The following WDR74 variants were observed in gnomAD, a reference collection of about 807,000 sequenced individuals.
WDR74 encodes the protein WD repeat domain 74.
Under a neutral mutation model 45.6 loss-of-function variants are expected in WDR74, and 31 were observed. The observed-to-expected ratio is 0.68, with a 90% confidence interval of 0.51 to 0.92. The LOEUF (loss-of-function observed/expected upper bound fraction) is 0.92. Ranked by LOEUF, WDR74 falls within the 40% of genes least tolerant of loss-of-function variation. The probability of loss-of-function intolerance (pLI) is 0.00; values close to 1 mark genes in which losing one functional copy is unlikely to be tolerated. For missense variants in WDR74, 455 were observed against 497.2 expected, an observed-to-expected ratio of 0.92 and a Z score of 0.81; for synonymous variants, 191 against 192.4, an observed-to-expected ratio of 0.99 and a Z score of 0.06.
Position 62,834,279 on chromosome 11 carries a change from G to A in WDR74, c.772C>T (p.Gln258Ter), listed in dbSNP as rs199607772. ...HGQLAEIDLR[Q>*]GRLLGCLKGL... The stretch of plus-strand genomic sequence containing the variant: ...CAATGTACCCTAGTCCACTCACCTT[G>A]CCGAAGGTCAATTTCTGCCAGCTGC... The change falls in exon 8 of 11, where the codon CAA becomes TAA. Residue 258 changes from glutamine to a stop codon, truncating the protein, a stop_gained. Transcript: ENST00000278856. LOFTEE classifies it high-confidence loss of function. The A allele has an allele frequency of 3.0e-4, 485 of 1,613,772 alleles. No homozygotes were observed. Among genetic ancestry groups the A allele is most frequent in the Non-Finnish European group, 3.6e-4 (428 of 1,179,892 alleles).
chr11:62,841,047 G>A (rs906891765), upstream of WDR74, among the ~76,000 whole-genome samples: 35 of 152,194 alleles, frequency 2.3e-4, no homozygotes, highest in African/African-American at 8.4e-4. Context: ...GGCCGGGCGC[G>A]GTGGCTCACG....
chr11:62,838,023 A>G (rs1303163763), intron 3 of WDR74, among the ~76,000 whole-genome samples: 2 of 151,732 alleles, frequency 1.3e-5, no homozygotes, highest in Non-Finnish European at 2.9e-5. Flanking sequence ...GGATCGTTTG[A>G]CCCCGGGAGG....
rs375123596 is a variant in WDR74, at chr11:62,834,369, A to G, written c.720-38T>C. 1.6e-3 allele frequency: 2,578 copies of G among 1,613,038 alleles called. 6 individuals carry two copies. Among genetic ancestry groups the G allele is most frequent in the Middle Eastern group, 4.2e-3 (23 of 5,504 alleles). On this transcript the variant is annotated intron_variant, in intron 7 of 10. Coordinates refer to ENST00000278856, the MANE Select transcript of WDR74 (RefSeq NM_001369450.1). ...CCAGAGGCAAGTGGGATCAGCAGTAACCTCCTGGAGCCCTTCTCAAGCCCC... is the reference window on the plus strand; with the variant it reads ...CCAGAGGCAAGTGGGATCAGCAGTAGCCTCCTGGAGCCCTTCTCAAGCCCC...
At chr11:62,841,596 C>CAACGGT (rs2085058259), upstream of WDR74, 1 of 152,160 alleles carries the variant, frequency 6.6e-6, no homozygotes, top group South Asian at 2.1e-4. Flanking sequence ...TTCCATTAAA[C>CAACGGT]AACGGTTGTT....
intron 8 of WDR74, 133 bp from the exon 9 acceptor site, chr11:62,834,070 T>C: frequency 6.9e-7 from 1 of 1,451,382 alleles, no homozygotes; most frequent in Non-Finnish European, 9.4e-7. Flanking sequence ...TCTACTAATA[T>C]TTCCATTTCG....
intron 3 of WDR74, among the ~76,000 whole-genome samples, chr11:62,838,102 C>A (rs1169022979): frequency 4.6e-5 from 7 of 152,030 alleles, no homozygotes; most frequent in Admixed American, 4.6e-4. Context: ...GGCTCTGTCT[C>A]AAAAAATATA....
In WDR74 at chr11:62,833,082, G is replaced by C. The variant is rs202092962; in HGVS notation, c.1028C>G (p.Thr343Arg). 462 of 1,612,380 alleles carry C rather than the reference G, an allele frequency of 2.9e-4. 1 individual carries two copies. The highest frequency in any genetic ancestry group is 3.7e-4 in the Non-Finnish European group (438 of 1,179,362). ...QEPNKVPLED[T>R]ETDELWASLE... ...GGATGCCCAAAGTTCATCTGTCTCT[G>C]TGTCTTCTAGGGGCACCTTGTTGGG... Residue 343 changes from threonine (T) to arginine (R), a missense_variant, in exon 11 of 11, where the codon ACA (threonine) becomes AGA (arginine). Transcript: ENST00000278856.
At chr11:62,835,880 T>A in intron 4 of WDR74, 39 bp from the exon 5 acceptor site, 1 of 1,594,670 alleles carries the variant, frequency 6.3e-7, no homozygotes, top group Non-Finnish European at 8.5e-7. Flanking sequence ...TCCAGAGTCC[T>A]TAATCCTCCC....
At chr11:62,839,876 C>CT (rs2085022407), upstream of WDR74, 1 of 356,190 alleles carries the variant, frequency 2.8e-6, no homozygotes, top group African/African-American at 2.1e-5. Context: ...GACTGTTAGA[C>CT]AAGAAACAAC....
upstream of WDR74, chr11:62,840,375 C>A (rs1440025279): frequency 1.3e-5 from 2 of 151,464 alleles, no homozygotes; most frequent in Non-Finnish European, 2.9e-5. Context: ...CCCAGCTACT[C>A]CGGAGGCTGA....
In WDR74 at chr11:62,839,435, G is replaced by A. The variant is rs74789950; in HGVS notation, c.65-7C>T. 2,827 of 1,613,498 alleles carry A rather than the reference G, an allele frequency of 1.8e-3. 50 individuals carry two copies. In the African/African-American group the frequency reaches 0.034, roughly 19 times the overall value. ...TTTCGCTGAAGATTTACCCCTGAGAGACGAAGGCGTCAGTCACGCCAGGGG... is the reference window on the plus strand; with the variant it reads ...TTTCGCTGAAGATTTACCCCTGAGAAACGAAGGCGTCAGTCACGCCAGGGG... On this transcript the variant is annotated splice_region_variant and splice_polypyrimidine_tract_variant and intron_variant, in intron 1 of 10. Transcript: ENST00000278856.
At position 62,839,243 on chromosome 11, in the gene WDR74, A is replaced by C; in HGVS notation, c.172-8T>G. ...CGCGCAGCCCACCAGCATCTGCGGCAAAGAAGGGCAAGATGGCGAGGAGAG... is the reference window on the plus strand; with the variant it reads ...CGCGCAGCCCACCAGCATCTGCGGCCAAGAAGGGCAAGATGGCGAGGAGAG... On this transcript the variant is annotated splice_region_variant and splice_polypyrimidine_tract_variant and intron_variant, in intron 2 of 10. Coordinates refer to ENST00000278856, the MANE Select transcript of WDR74 (RefSeq NM_001369450.1). 1 of 1,613,374 alleles carries C rather than the reference A, an allele frequency of 6.2e-7. No homozygotes were observed. Among genetic ancestry groups the C allele is most frequent in the Non-Finnish European group, 8.5e-7 (1 of 1,179,870 alleles).
In WDR74 at chr11:62,833,074, C is replaced by G; in HGVS notation, c.1036G>C (p.Asp346His). The G allele has an allele frequency of 6.2e-7, 1 of 1,612,280 alleles. No homozygotes were observed. The change falls in exon 11 of 11, where the codon GAT (aspartate) becomes CAT (histidine). Residue 346 changes from aspartate (D) to histidine (H), a missense_variant. Coordinates refer to ENST00000278856, the MANE Select transcript of WDR74 (RefSeq NM_001369450.1). Reference sequence around the variant, plus strand: ...GCCTCCAAGGATGCCCAAAGTTCATCTGTCTCTGTGTCTTCTAGGGGCACC... The same window carrying G: ...GCCTCCAAGGATGCCCAAAGTTCATGTGTCTCTGTGTCTTCTAGGGGCACC... ...NKVPLEDTET[D>H]ELWASLEAAA...
At chr11:62,835,141 C>A (rs1319174020) in intron 6 of WDR74, 1 of 360,866 alleles carries the variant, frequency 2.8e-6, no homozygotes, top group African/African-American at 2.1e-5. Flanking sequence ...CTCTTAACAC[C>A]CAGCCCAATG....
intron 3 of WDR74, among the ~76,000 whole-genome samples, chr11:62,838,609 A>G (rs1278762742): frequency 6.6e-6 from 1 of 151,854 alleles, no homozygotes; most frequent in Non-Finnish European, 1.5e-5. Flanking sequence ...AGATACAAAA[A>G]TAGCCGCGCG....
At chr11:62,834,162 C>T in intron 8 of WDR74, 114 bp downstream of exon 8, 1 of 1,530,874 alleles carries the variant, frequency 6.5e-7, no homozygotes, top group South Asian at 1.1e-5. Flanking sequence ...GATTTAAACC[C>T]AGGCAATCTG....
chr11:62,840,932 C>T (rs1590992165), upstream of WDR74, among the ~76,000 whole-genome samples: 1 of 152,180 alleles, frequency 6.6e-6, no homozygotes, highest in Admixed American at 6.5e-5. Context: ...CGCCTGTAAT[C>T]CCACCACTTT....
upstream of WDR74, chr11:62,839,606 C>A (rs1220991723): frequency 5.1e-6 from 8 of 1,573,712 alleles, no homozygotes; most frequent in Non-Finnish European, 6.9e-6. Context: ...ACACTTCCGG[C>A]GCAGCGTGTG....
chr11:62,841,556 A>T (rs377615749), upstream of WDR74: 3 of 152,120 alleles, frequency 2.0e-5, no homozygotes, highest in Non-Finnish European at 4.4e-5. Context: ...GAACATAACT[A>T]TTTAGCTTGT....
Sources: allele counts gnomAD v4.1 joint callset (sites outside exome capture counted in the v4.1 genomes callset), GRCh38; gene constraint gnomAD v4.1.1; transcripts MANE v1.5; gene names NCBI Gene and HGNC (gene_info 2026-07-23, HGNC 2026-07-21).